SSC5D: variants seen among roughly 807,000 people sequenced by gnomAD.
SSC5D encodes soluble scavenger receptor cysteine-rich domain-containing protein SSC5D.
In SSC5D, 106 loss-of-function variants were observed where a neutral mutation model predicts 104.6. That is an observed-to-expected ratio of 1.01 (90% CI 0.87 to 1.19). SSC5D has a LOEUF of 1.19. SSC5D is among the 50% of genes most tolerant of loss of function. SSC5D has a pLI of 0.00. For synonymous variants in SSC5D, 860 were observed against 883.5 expected (o/e 0.97, Z 0.47); for missense variants, 1,993 against 2,153.8 (o/e 0.93, Z 1.48).
chr19:55,505,525 T>C (rs1987620199), intron 12 of SSC5D, among the ~76,000 whole-genome samples: 1 of 151,828 alleles, frequency 6.6e-6, no homozygotes, highest in Non-Finnish European at 1.5e-5. Context: ...ACTTGCTTAG[T>C]GGGCTAAGAT....
At position 55,513,114 on chromosome 19, in the gene SSC5D, G is replaced by A; in HGVS notation, c.2889G>A (p.Gly963=). ...PTAGKLGPTL[G]AGTTRSPGSP... is the part of the protein sequence containing the mutation. ...CAGGCAAACTAGGACCAACTCTTGG[G>A]GCTGGCACCACCAGGAGCCCAGGCA... Residue 963 remains glycine (G), a synonymous_variant, in exon 13 of 14, where the codon GGG becomes GGA. Coordinates refer to ENST00000389623, the MANE Select transcript of SSC5D (RefSeq NM_001144950.2). 3 of 1,544,334 alleles carry A rather than the reference G, an allele frequency of 1.9e-6. No individual in the cohort carries two copies. In the South Asian group the frequency reaches 3.6e-5, roughly 18 times the overall value.
At chr19:55,504,989 G>GTTTTTTTTTTTT (rs1568481923) in intron 12 of SSC5D, among the ~76,000 whole-genome samples, 1 of 151,832 alleles carries the variant, frequency 6.6e-6, no homozygotes, top group African/African-American at 2.4e-5. Context: ...ATTATAACCT[G>GTTTTTTTTTTTT]TTTTAAGTGA....
chr19:55,514,400 G>A (rs1987822033), intron 13 of SSC5D, among the ~76,000 whole-genome samples: 1 of 137,786 alleles, frequency 7.3e-6, no homozygotes. Flanking sequence ...GTGAGACTCT[G>A]TCTCAAAATA....
chr19:55,515,115 C>G (rs1013485676), intron 13 of SSC5D, among the ~76,000 whole-genome samples: 16 of 152,082 alleles, frequency 1.1e-4, no homozygotes, highest in Non-Finnish European at 2.2e-4. Flanking sequence ...CTAAGAGCAC[C>G]GGGCATGGTG....
rs887816833 is a variant in SSC5D at position 55,515,739 on chromosome 19, AAAAT to A, written c.2948-1481_2948-1478del. The stretch of plus-strand genomic sequence containing the variant: ...AGAGTGAGACTCCGTCTCAAAAAAA[AAAAT>A]AAAATAAAATAAAAGAAAATGAAAC... On this transcript the variant is annotated intron_variant, in intron 13 of 13. Coordinates refer to ENST00000389623, the MANE Select transcript of SSC5D (RefSeq NM_001144950.2). 7.3e-5 allele frequency among the ~76,000 whole-genome samples: 11 copies of A among 149,988 alleles called. No individual in the cohort carries two copies. The East Asian group carries it at 7.9e-4, about 11-fold the overall frequency.
chr19:55,491,349 C>A, intron 6 of SSC5D: 1 of 458,116 alleles, frequency 2.2e-6, no homozygotes, highest in Non-Finnish European at 3.9e-6. Context: ...TTGTTTAAGC[C>A]TCAGTTTTCC....
intron 12 of SSC5D, chr19:55,504,038 G>C: frequency 7.2e-7 from 1 of 1,383,434 alleles, no homozygotes; most frequent in Non-Finnish European, 9.8e-7. Flanking sequence ...AGGGAGGGAG[G>C]AAGCAGGCCC....
At chr19:55,494,920 C>G in intron 8 of SSC5D, 137 bp downstream of exon 8, 1 of 1,027,480 alleles carries the variant, frequency 9.7e-7, no homozygotes, top group Non-Finnish European at 1.4e-6. Context: ...GCCCAGGACA[C>G]TGAGCTGGGT....
At chr19:55,515,684 A>G (rs1987855523) in intron 13 of SSC5D, among the ~76,000 whole-genome samples, 2 of 151,398 alleles carry the variant, frequency 1.3e-5, no homozygotes, top group Admixed American at 1.3e-4. Context: ...GTGAGGCGAG[A>G]TCGTGCCACT....
At chr19:55,490,076 A>G in intron 4 of SSC5D, 81 bp downstream of exon 4, 1 of 655,418 alleles carries the variant, frequency 1.5e-6, no homozygotes, top group East Asian at 5.2e-5. Flanking sequence ...CTGCCCTGCC[A>G]ACCCCCACCC....
rs371786822 is a variant in SSC5D at position 55,500,561 on chromosome 19, C to T, written c.2374C>T (p.Arg792Cys). ...CCGGCTGGAAGTGTGGCATGCCGGA[C>T]GCTGGGGAACAGTGTGTGATGACAA... ...AGRLEVWHAG[R>C]WGTVCDDNWD... Residue 792 changes from arginine to cysteine, a missense_variant, in exon 11 of 14, where the codon CGC becomes TGC. This residue lies in a region of SSC5D where 70 missense variants were observed against 107.1 expected (regional missense o/e 0.65). Transcript: ENST00000389623. The surrounding 1 kb of genome is among the most constrained non-coding windows in gnomAD (Gnocchi z 4.6). The T allele has an allele frequency of 1.7e-4, 270 of 1,551,678 alleles. No homozygotes were observed. Among genetic ancestry groups the T allele is most frequent in the Non-Finnish European group, 2.1e-4 (240 of 1,146,974 alleles).
chr19:55,494,067 C>T (rs1175835244), intron 7 of SSC5D, among the ~76,000 whole-genome samples, 155 bp downstream of exon 7: 1 of 152,104 alleles, frequency 6.6e-6, no homozygotes, highest in African/African-American at 2.4e-5. Context: ...AATCCTCACC[C>T]TGCGTCACTG....
Position 55,490,337 on chromosome 19 carries a change from A to G in SSC5D, c.515A>G (p.Lys172Arg). ...GGGAACCCCCAGAACGCCTCCCGGA[A>G]GAAGAGCCCCCGGCCCAAGCAGGCC... ...PAGNPQNASR[K>R]KSPRPKQAKS... is the part of the protein sequence containing the mutation. Residue 172 changes from lysine to arginine, a missense_variant, in exon 5 of 14, where the codon AAG becomes AGG. Physicochemically the swap from Lys to Arg is conservative, Grantham distance 26. Coordinates refer to ENST00000389623, the MANE Select transcript of SSC5D (RefSeq NM_001144950.2). The G allele has an allele frequency of 2.0e-6, 3 of 1,502,684 alleles. No homozygotes were observed. The highest frequency in any genetic ancestry group is 2.7e-6 in the Non-Finnish European group (3 of 1,108,110). The allele number at this position is 1,502,684 out of a possible 1,614,324, so 93.1% of individuals were successfully genotyped here. A position where few individuals can be genotyped will look rare whatever the true frequency, so the allele number is the denominator to read the frequency against.
At chr19:55,489,089 GC>G (rs1568472877) in intron 2 of SSC5D, 57 bp downstream of exon 2, 49 of 870,692 alleles carry the variant, frequency 5.6e-5, no homozygotes. Flanking sequence ...TCCCCCTTCT[GC>G]CCATCCAGGC....
intron 9 of SSC5D, 40 bp from the exon 10 acceptor site, chr19:55,499,776 G>A (rs1337749115): frequency 4.7e-6 from 7 of 1,482,486 alleles, no homozygotes; most frequent in Non-Finnish European, 6.4e-6. Flanking sequence ...TTGTCATCAT[G>A]GTGTCTCTGT....
Position 55,499,806 on chromosome 19 carries a change from C to G in SSC5D, c.1706-10C>G. The stretch of plus-strand genomic sequence containing the variant: ...CTCTGTCTTCTCTTCCTGCCCCACT[C>G]ACCTTCCAGGGCCCCCAGGCCTGGA... On this transcript the variant is annotated splice_polypyrimidine_tract_variant and intron_variant, in intron 9 of 13. Transcript: ENST00000389623. 1 of 1,547,102 alleles carries G rather than the reference C, an allele frequency of 6.5e-7. No homozygotes were observed. The highest frequency in any genetic ancestry group is 8.7e-7 in the Non-Finnish European group (1 of 1,143,740).
At position 55,490,928 on chromosome 19, in the gene SSC5D, C is replaced by T; in HGVS notation, c.743C>T (p.Pro248Leu). 1 of 1,544,348 alleles carries T rather than the reference C, an allele frequency of 6.5e-7. No individual in the cohort carries two copies. Among genetic ancestry groups the T allele is most frequent in the East Asian group, 2.5e-5 (1 of 40,798 alleles). ...ELGCGGALAA[P>L]GGARFGPGAG... ...GGCTGTGGGGGGGCGCTGGCTGCCC[C>T]CGGCGGTGCCAGATTCGGGCCTGGT... Residue 248 changes from proline to leucine, a missense_variant, in exon 6 of 14, where the codon CCC becomes CTC. Around this residue, in one of 6 missense-constraint regions of SSC5D, gnomAD observed 1,101 missense variants for 1,085.0 expected, o/e 1.01. Transcript: ENST00000389623.
In SSC5D at chr19:55,517,980, A is replaced by ACCC. The variant is rs1987915429; in HGVS notation, c.3705_3706insCCC (p.His1235_Ser1236insPro). The ACCC allele has an allele frequency of 7.2e-7, 1 of 1,397,794 alleles. No homozygotes were observed. Among genetic ancestry groups the ACCC allele is most frequent in the African/African-American group, 2.7e-5 (1 of 37,180 alleles). The allele number at this position is 1,397,794 out of a possible 1,614,324, so 86.6% of individuals were successfully genotyped here. ...ACCATGCAGCCCACCACAACCCCTC[A>ACCC]CTCCACAACCCCTCACCCCACCACG... On this transcript the variant is annotated inframe_insertion, in exon 14 of 14. Transcript: ENST00000389623.
rs778117580 is a variant in SSC5D at position 55,513,094 on chromosome 19, A to C, written c.2869A>C (p.Lys957Gln). 1.3e-6 allele frequency: 2 copies of C among 1,550,104 alleles called. No homozygotes were observed. The highest frequency in any genetic ancestry group is 2.4e-5 in the South Asian group (2 of 83,982). ...GLAEGTPTAG[K>Q]LGPTLGAGTT... ...GGCTGAGGGGACCCCTACCGCAGGC[A>C]AACTAGGACCAACTCTTGGGGCTGG... The change falls in exon 13 of 14, where the codon AAA becomes CAA. Residue 957 changes from lysine to glutamine, a missense_variant. Transcript: ENST00000389623.
Sources: gnomAD v4.1 joint callset for allele counts (sites outside exome capture counted in the v4.1 genomes callset) on GRCh38, gnomAD v4.1.1 for gene constraint, gnomAD v4.1.1 regional missense constraint, Gnocchi (gnomAD v3.1) non-coding constraint, MANE v1.5 for transcripts, NCBI Gene and HGNC (gene_info 2026-07-23, HGNC 2026-07-21) for gene names.